Variants in CNBD1 observed in about 807,000 individuals in gnomAD.
The protein encoded by CNBD1 is cyclic nucleotide binding domain containing 1.
Under a neutral mutation model 54.4 loss-of-function variants are expected in CNBD1, and 71 were observed. The observed-to-expected ratio is 1.30, with a 90% CI of 1.08 to 1.59. The LOEUF is 1.59. Ranked by LOEUF, CNBD1 falls within the 40% of genes most tolerant of loss-of-function variation. The pLI, the probability that CNBD1 is intolerant of heterozygous loss-of-function variation, is 0.00. For synonymous variants in CNBD1, 182 were observed against 170.7 expected (o/e 1.07, Z -0.51); for missense variants, 659 against 518.0 (o/e 1.27, Z -2.64).
intron 6 of CNBD1, among the ~76,000 whole-genome samples, chr8:87,265,480 A>G (rs891164669): frequency 3.3e-5 from 5 of 152,176 alleles, no homozygotes; most frequent in African/African-American, 9.6e-5. Context: ...ACTTGGCAAT[A>G]TGGGCTGTTT....
chr8:87,289,208 T>G (rs1383971409), intron 8 of CNBD1, among the ~76,000 whole-genome samples: 1 of 152,154 alleles, frequency 6.6e-6, no homozygotes, highest in African/African-American at 2.4e-5. Flanking sequence ...AGTTAATTAT[T>G]CAAAAGCTTG....
intron 4 of CNBD1, among the ~76,000 whole-genome samples, chr8:87,198,949 T>A (rs1054487305): frequency 2.0e-5 from 3 of 152,080 alleles, no homozygotes; most frequent in African/African-American, 7.2e-5. Flanking sequence ...AAGGTTACAA[T>A]CATCTTGCAA....
At chr8:86,906,656 G>C (rs1809022634) in intron 3 of CNBD1, among the ~76,000 whole-genome samples, 7 of 152,120 alleles carry the variant, frequency 4.6e-5, no homozygotes, top group Admixed American at 4.6e-4. Context: ...TCTGTCTATA[G>C]AATAAGGGAC....
At chr8:87,319,799 T>C (rs778402166) in intron 8 of CNBD1, among the ~76,000 whole-genome samples, 2 of 152,090 alleles carry the variant, frequency 1.3e-5, no homozygotes, top group African/African-American at 2.4e-5. Context: ...AAAAAAGCGT[T>C]TCTATATAGC....
At chr8:87,040,183 G>A (rs945295287) in intron 4 of CNBD1, among the ~76,000 whole-genome samples, 1 of 152,278 alleles carries the variant, frequency 6.6e-6, no homozygotes, top group Admixed American at 6.5e-5. Flanking sequence ...AGGAGGAAGG[G>A]GGGTTTTTTG....
At chr8:87,210,603 G>C (rs1586331780) in intron 5 of CNBD1, among the ~76,000 whole-genome samples, 2 of 152,260 alleles carry the variant, frequency 1.3e-5, no homozygotes, top group South Asian at 4.1e-4. Flanking sequence ...AACTCAAAGG[G>C]GCCCATATAT....
chr8:86,917,271 G>A (rs1809202048), intron 3 of CNBD1, among the ~76,000 whole-genome samples: 1 of 152,118 alleles, frequency 6.6e-6, no homozygotes, highest in Non-Finnish European at 1.5e-5. Flanking sequence ...CCAGATCTGT[G>A]TCCACTGACA....
At chr8:87,106,391 T>G (rs1394115030) in intron 4 of CNBD1, among the ~76,000 whole-genome samples, 1 of 151,994 alleles carries the variant, frequency 6.6e-6, no homozygotes, top group Non-Finnish European at 1.5e-5. Context: ...TTTGTATTTT[T>G]GTAGAGCTGG....
intron 4 of CNBD1, among the ~76,000 whole-genome samples, chr8:87,060,082 A>G (rs1383948010): frequency 6.6e-6 from 1 of 152,220 alleles, no homozygotes; most frequent in Non-Finnish European, 1.5e-5. Context: ...CACTGGCCAC[A>G]CAGATGCAAG....
At chr8:87,098,613 T>C (rs558548128) in intron 4 of CNBD1, among the ~76,000 whole-genome samples, 39 of 152,196 alleles carry the variant, frequency 2.6e-4, no homozygotes, top group African/African-American at 9.4e-4. Context: ...ATTAGGAGTT[T>C]GGACTATATC....
At chr8:87,212,706 A>G (rs1463831005) in intron 5 of CNBD1, among the ~76,000 whole-genome samples, 1 of 152,210 alleles carries the variant, frequency 6.6e-6, no homozygotes, top group Non-Finnish European at 1.5e-5. Flanking sequence ...AAAAATTACC[A>G]AACATGAATC....
downstream of CNBD1, among the ~76,000 whole-genome samples, chr8:87,385,658 G>T (rs1050532783): frequency 6.6e-6 from 1 of 151,944 alleles, no homozygotes; most frequent in Admixed American, 6.5e-5. Context: ...GCACAAGGAG[G>T]CCTACCTGCC....
At chr8:87,299,430 A>G (rs1419685473) in intron 8 of CNBD1, among the ~76,000 whole-genome samples, 2 of 152,220 alleles carry the variant, frequency 1.3e-5, no homozygotes, top group East Asian at 3.8e-4. Context: ...AACAGAAAGA[A>G]ATAGACATAT....
chr8:87,365,435 T>C (rs1240966242), intron 10 of CNBD1, among the ~76,000 whole-genome samples: 6 of 152,006 alleles, frequency 3.9e-5, no homozygotes, highest in Non-Finnish European at 7.4e-5. Flanking sequence ...TTTTAACTTG[T>C]AGATGGCAGA....
At chr8:87,169,636 T>G (rs112650559) in intron 4 of CNBD1, among the ~76,000 whole-genome samples, 3,331 of 152,184 alleles carry the variant, frequency 0.022, 122 homozygotes, top group African/African-American at 0.073. Flanking sequence ...GGATATCCAG[T>G]TTTCCCAACA....
At chr8:87,251,810 T>A (rs1228953902) in intron 6 of CNBD1, among the ~76,000 whole-genome samples, 2 of 152,178 alleles carry the variant, frequency 1.3e-5, no homozygotes, top group Non-Finnish European at 1.5e-5. Flanking sequence ...TTACACTGGC[T>A]GGGTCTCAGA....
chr8:86,944,841 G>C (rs960137311), intron 4 of CNBD1, among the ~76,000 whole-genome samples: 3 of 152,322 alleles, frequency 2.0e-5, no homozygotes, highest in Admixed American at 1.3e-4. Flanking sequence ...TTAGAGTGCT[G>C]TGAAATTTGT....
chr8:87,037,054 G>A (rs149924108), intron 4 of CNBD1, among the ~76,000 whole-genome samples: 9 of 151,996 alleles, frequency 5.9e-5, no homozygotes, highest in East Asian at 5.8e-4. Context: ...AATTTTTTGC[G>A]ACCTCGAATA....
At chr8:86,903,352 A>G (rs1808967973) in intron 2 of CNBD1, among the ~76,000 whole-genome samples, 1 of 152,206 alleles carries the variant, frequency 6.6e-6, no homozygotes, top group African/African-American at 2.4e-5. Flanking sequence ...CACTCCAAAG[A>G]TGATCTATCC....
Sources: gnomAD v4.1 joint callset for allele counts (sites outside exome capture counted in the v4.1 genomes callset) on GRCh38, gnomAD v4.1.1 for gene constraint, MANE v1.5 for transcripts, NCBI Gene and HGNC (gene_info 2026-07-23, HGNC 2026-07-21) for gene names.